The following DSEL variants were observed in gnomAD, a reference collection of about 807,000 sequenced individuals.
DSEL encodes dermatan sulfate epimerase like, also known as dermatan-sulfate epimerase-like protein.
Under a neutral mutation model 96.6 loss-of-function variants are expected in DSEL, and 61 were observed. The ratio of observed to expected loss-of-function variants is 0.63; its 90% CI spans 0.51 to 0.78. The LOEUF is 0.78. DSEL is among the 30% of genes least tolerant of loss of function. The pLI is 0.00. For synonymous variants in DSEL, 514 were observed against 502.0 expected, an observed-to-expected ratio of 1.02 and a Z score of -0.32; for missense variants, 1,320 against 1,430.8, an observed-to-expected ratio of 0.92 and a Z score of 1.25.
At position 67,516,698 on chromosome 18, in the gene DSEL, C is replaced by T. The variant is rs2089479042; in HGVS notation, c.-1222G>A. ...CGCCCGCGTGCCCAGGCGGTGATGT[C>T]GCCGCGGCCGAGGATCCTCTGTGCC... On this transcript the variant is annotated 5_prime_UTR_variant, in exon 1 of 2. Transcript: ENST00000310045. The surrounding 1 kb of genome is among the most constrained non-coding windows in gnomAD (Gnocchi z 5.6). 6.6e-6 allele frequency: 1 copy of T among 151,780 alleles called. No individual in the cohort carries two copies. The highest frequency in any genetic ancestry group is 2.0e-4 in the East Asian group (1 of 5,104). The allele number at this position is 151,780 out of a possible 1,614,324, so 9.4% of individuals were successfully genotyped here. A position where few individuals can be genotyped will look rare whatever the true frequency, so the allele number is the denominator to read the frequency against.
In DSEL at chr18:67,514,419, T is replaced by G. The variant is rs750262093; in HGVS notation, c.190A>C (p.Ser64Arg). 22 of 1,614,154 alleles carry G rather than the reference T, an allele frequency of 1.4e-5. No homozygotes were observed. Among genetic ancestry groups the G allele is most frequent in the Non-Finnish European group, 1.9e-5 (22 of 1,180,032 alleles). The change falls in exon 2 of 2, where the codon AGT (serine) becomes CGT (arginine). Residue 64 changes from serine (S) to arginine (R), a missense_variant. By Grantham distance (110) the Ser-to-Arg change is moderately radical (BLOSUM62 -1). This residue lies in a region of DSEL where 323 missense variants were observed against 333.1 expected (regional missense o/e 0.97). Transcript: ENST00000310045. ...QKLKKSMLHP[S>R]LYFDAGEIQA... Reference sequence around the variant, plus strand: ...ATTTCTCCAGCATCAAAATATAAACTTGGATGAAGCATACTTTTCTTCAGC... The same window carrying G: ...ATTTCTCCAGCATCAAAATATAAACGTGGATGAAGCATACTTTTCTTCAGC...
In DSEL at chr18:67,511,369, C is replaced by T. The variant is rs1171290480; in HGVS notation, c.3240G>A (p.Glu1080=). The T allele has an allele frequency of 1.2e-6, 2 of 1,603,442 alleles. No individual in the cohort carries two copies. The highest frequency in any genetic ancestry group is 1.7e-6 in the Non-Finnish European group (2 of 1,179,960). Residue 1080 remains glutamate (E), a synonymous_variant, in exon 2 of 2, where the codon GAG becomes GAA. Coordinates refer to ENST00000310045, the MANE Select transcript of DSEL (RefSeq NM_032160.3). The stretch of plus-strand genomic sequence containing the variant: ...ATAATTCTTTCCTCAATGGTTCATA[C>T]TCGAAAGCATAACCCGAATTTAAGT... ...KCNLNSGYAF[E]YEPLRKELSK... is the part of the protein sequence containing the mutation.
At position 67,506,733 on chromosome 18, in the gene DSEL, G is replaced by C. The variant is rs893417541; in HGVS notation, c.*4237C>G. 1 of 151,858 alleles carries C rather than the reference G, an allele frequency of 6.6e-6. No individual in the cohort carries two copies. The highest frequency in any genetic ancestry group is 1.9e-4 in the East Asian group (1 of 5,184). The allele number at this position is 151,858 out of a possible 1,614,324, so 9.4% of individuals were successfully genotyped here. On this transcript the variant is annotated 3_prime_UTR_variant, in exon 2 of 2. Transcript: ENST00000310045. Reference sequence around the variant, plus strand: ...AACGACGACGAACAAAAAATTAATTGCTTGGAAGACTTAGTTGAATCTATC... The same window carrying C: ...AACGACGACGAACAAAAAATTAATTCCTTGGAAGACTTAGTTGAATCTATC...
At position 67,514,177 on chromosome 18, in the gene DSEL, A is replaced by G. The variant is rs2089461689; in HGVS notation, c.432T>C (p.Phe144=). 3 of 1,614,108 alleles carry G rather than the reference A, an allele frequency of 1.9e-6. No individual in the cohort carries two copies. Among genetic ancestry groups the G allele is most frequent in the Non-Finnish European group, 2.5e-6 (3 of 1,180,050 alleles). ...CCATCCTGTCCATATATTCCAAGAC[A>G]AATTCAAAGGCAACTTTGTCTTCTG... is the stretch of plus-strand genomic sequence containing the variant. The part of the protein sequence containing the change: ...LCPEDKVAFE[F]VLEYMDRMVG... The change falls in exon 2 of 2, where the codon TTT becomes TTC. Residue 144 remains phenylalanine, a synonymous_variant. Transcript: ENST00000310045.
Position 67,512,944 on chromosome 18 carries a change from T to G in DSEL, c.1665A>C (p.Glu555Asp), listed in dbSNP as rs756434781. 20 of 1,614,102 alleles carry G rather than the reference T, an allele frequency of 1.2e-5. No individual in the cohort carries two copies. In the South Asian group the frequency reaches 2.2e-4, roughly 18 times the overall value. ...TTGCTGAAGAATAAGCAGACACGGC[T>G]TCCCCACTCACAAATACCATTTCCC... The part of the protein sequence containing the change: ...QHGEMVFVSG[E>D]AVSAYSSAMR... Residue 555 changes from glutamate to aspartate, a missense_variant, in exon 2 of 2, where the codon GAA becomes GAC. Around this residue, in one of 3 missense-constraint regions of DSEL, gnomAD observed 986 missense variants for 1,066.4 expected, o/e 0.92. Transcript: ENST00000310045.
Position 67,511,427 on chromosome 18 carries a change from A to G in DSEL, c.3182T>C (p.Leu1061Ser). Residue 1061 changes from leucine (L) to serine (S), a missense_variant, in exon 2 of 2, where the codon TTG becomes TCG. Around this residue, in one of 3 missense-constraint regions of DSEL, gnomAD observed 986 missense variants for 1,066.4 expected, o/e 0.92. Transcript: ENST00000310045. ...LKNVPEHLAK[L>S]FKIEGGKGKC... ...GCCTTTACCTCCCTCTATTTTAAACAATTTTGCTAAATGCTCTGGTACATT... is the reference window on the plus strand; with the variant it reads ...GCCTTTACCTCCCTCTATTTTAAACGATTTTGCTAAATGCTCTGGTACATT... 1 of 1,605,390 alleles carries G rather than the reference A, an allele frequency of 6.2e-7. No homozygotes were observed.
chr18:67,514,393 G>C lies in DSEL; in HGVS notation c.216C>G (p.Ile72Met). 1 of 1,614,126 alleles carries C rather than the reference G, an allele frequency of 6.2e-7. No homozygotes were observed. The highest frequency in any genetic ancestry group is 8.5e-7 in the Non-Finnish European group (1 of 1,180,026). ...HPSLYFDAGE[I>M]QAMRQKSRAS... The stretch of plus-strand genomic sequence containing the variant: ...CACGAGACTTTTGTCTCATTGCTTG[G>C]ATTTCTCCAGCATCAAAATATAAAC... The change falls in exon 2 of 2, where the codon ATC becomes ATG. Residue 72 changes from isoleucine to methionine, a missense_variant. Ile to Met is a conservative substitution (Grantham distance 10). Coordinates refer to ENST00000310045, the MANE Select transcript of DSEL (RefSeq NM_032160.3).
Position 67,510,697 on chromosome 18 carries a change from T to G in DSEL, c.*273A>C, listed in dbSNP as rs192792325. The stretch of plus-strand genomic sequence containing the variant: ...AATTTTCCCATCTCCCCTGACCCCA[T>G]GATATAACTTCATCTACCACTCTGT... On this transcript the variant is annotated 3_prime_UTR_variant, in exon 2 of 2. Coordinates refer to ENST00000310045, the MANE Select transcript of DSEL (RefSeq NM_032160.3). The G allele has an allele frequency of 1.2e-4, 50 of 408,748 alleles. No individual in the cohort carries two copies. The Admixed American group carries it at 1.5e-3, about 12-fold the overall frequency. The allele number at this position is 408,748 out of a possible 1,614,324, so 25.3% of individuals were successfully genotyped here.
Position 67,511,515 on chromosome 18 carries a change from C to A in DSEL, c.3094G>T (p.Asp1032Tyr). 1 of 1,613,702 alleles carries A rather than the reference C, an allele frequency of 6.2e-7. No homozygotes were observed. Among genetic ancestry groups the A allele is most frequent in the Non-Finnish European group, 8.5e-7 (1 of 1,180,024 alleles). The stretch of plus-strand genomic sequence containing the variant: ...ATTGAATAAATCCATGCCCGAGGGT[C>A]TCTTACTATGTACAATGCCCTCATC... ...ASMRALYIVR[D>Y]PRAWIYSMLY... The change falls in exon 2 of 2, where the codon GAC (aspartate) becomes TAC (tyrosine). Residue 1032 changes from aspartate to tyrosine, a missense_variant. This residue lies in a region of DSEL where 986 missense variants were observed against 1,066.4 expected (regional missense o/e 0.92). Coordinates refer to ENST00000310045, the MANE Select transcript of DSEL (RefSeq NM_032160.3).
In DSEL at chr18:67,511,241, T is replaced by C; in HGVS notation, c.3368A>G (p.Gln1123Arg). Reference sequence around the variant, plus strand: ...CACAATATCTTCAAACTTGACCAGCTGGTAGCTAGTAGGCAGCAAATCTGT... The same window carrying C: ...CACAATATCTTCAAACTTGACCAGCCGGTAGCTAGTAGGCAGCAAATCTGT... ...INTDLLPTSY[Q>R]LVKFEDIVHF... is the part of the protein sequence containing the mutation. The change falls in exon 2 of 2, where the codon CAG becomes CGG. Residue 1123 changes from glutamine (Q) to arginine (R), a missense_variant. Gln to Arg is a conservative substitution (Grantham distance 43). Around this residue, in one of 3 missense-constraint regions of DSEL, gnomAD observed 986 missense variants for 1,066.4 expected, o/e 0.92. Coordinates refer to ENST00000310045, the MANE Select transcript of DSEL (RefSeq NM_032160.3). The C allele has an allele frequency of 6.2e-7, 1 of 1,613,302 alleles. No individual in the cohort carries two copies. The highest frequency in any genetic ancestry group is 1.3e-5 in the African/African-American group (1 of 75,062).
In DSEL at chr18:67,512,883, A is replaced by G; in HGVS notation, c.1726T>C (p.Leu576=). 1 of 1,614,196 alleles carries G rather than the reference A, an allele frequency of 6.2e-7. No individual in the cohort carries two copies. The highest frequency in any genetic ancestry group is 1.1e-5 in the South Asian group (1 of 91,086). The change falls in exon 2 of 2, where the codon TTA becomes CTA. Residue 576 remains leucine (L), a synonymous_variant. Coordinates refer to ENST00000310045, the MANE Select transcript of DSEL (RefSeq NM_032160.3). The part of the protein sequence containing the change: ...LKSVYRALLL[L]NSQTLLVVDH... ...ACAACTAGCAGAGTTTGGGAATTTA[A>G]GAGAAGCAAAGCACGATATACACTT...
rs765949634 is a variant in DSEL at position 67,514,102 on chromosome 18, T to C, written c.507A>G (p.Pro169=). 3.7e-6 allele frequency: 6 copies of C among 1,614,220 alleles called. No homozygotes were observed. The South Asian group carries it at 6.6e-5, about 18-fold the overall frequency. ...CAAAACCTGTTAAGGAATGGCCAAT[T>C]GGAACCTCATCTCCTGGTGCATTCT... ...LVENAPGDEV[P]IGHSLTGFAT... The change falls in exon 2 of 2, where the codon CCA becomes CCG. Residue 169 remains proline (P), a synonymous_variant. Transcript: ENST00000310045.
In DSEL at chr18:67,514,083, C is replaced by A; in HGVS notation, c.526G>T (p.Gly176Cys). The A allele has an allele frequency of 6.2e-7, 1 of 1,614,114 alleles. No homozygotes were observed. Among genetic ancestry groups the A allele is most frequent in the East Asian group, 2.2e-5 (1 of 44,866 alleles). The change falls in exon 2 of 2, where the codon GGT becomes TGT. Residue 176 changes from glycine to cysteine, a missense_variant. By Grantham distance (159) the Gly-to-Cys change is radical (BLOSUM62 -3). This residue lies in a region of DSEL where 323 missense variants were observed against 333.1 expected (regional missense o/e 0.97). Coordinates refer to ENST00000310045, the MANE Select transcript of DSEL (RefSeq NM_032160.3). ...AAAAAGTCAAAGGCAGTGGCAAAAC[C>A]TGTTAAGGAATGGCCAATTGGAACC... The part of the protein sequence containing the change: ...DEVPIGHSLT[G>C]FATAFDFLYN...
In DSEL at chr18:67,514,672, T is replaced by C. The variant is rs761916198; in HGVS notation, c.-64A>G. On this transcript the variant is annotated 5_prime_UTR_variant, in exon 2 of 2. It removes an upstream start codon present in the reference 5' UTR. Transcript: ENST00000310045. ...GATATGATGCTCAATGTGTTTCCCATCTGGTTAGTATAAAACATACAGTAA... is the reference window on the plus strand; with the variant it reads ...GATATGATGCTCAATGTGTTTCCCACCTGGTTAGTATAAAACATACAGTAA... 5.7e-6 allele frequency: 9 copies of C among 1,566,478 alleles called. No individual in the cohort carries two copies. In the Admixed American group the frequency reaches 1.6e-4, roughly 28 times the overall value.
rs1018620303 is a variant in DSEL, at chr18:67,513,394, A to G, written c.1215T>C (p.Gly405=). 6 of 1,614,196 alleles carry G rather than the reference A, an allele frequency of 3.7e-6. No homozygotes were observed. Among genetic ancestry groups the G allele is most frequent in the Non-Finnish European group, 5.1e-6 (6 of 1,180,038 alleles). The change falls in exon 2 of 2, where the codon GGT becomes GGC. Residue 405 remains glycine (G), a synonymous_variant. Coordinates refer to ENST00000310045, the MANE Select transcript of DSEL (RefSeq NM_032160.3). ...QLTPQPPADY[G]TAKIHTFPNW... ...TAGGGAATGTGTGTATTTTTGCAGT[A>G]CCATAATCAGCAGGTGGCTGTGGTG... is the stretch of plus-strand genomic sequence containing the variant.
chr18:67,510,496 T>C lies in DSEL; in HGVS notation c.*474A>G, dbSNP rs2089435460. 1 of 154,386 alleles carries C rather than the reference T, an allele frequency of 6.5e-6. No homozygotes were observed. The allele number at this position is 154,386 out of a possible 1,614,324, so 9.6% of individuals were successfully genotyped here. A position where few individuals can be genotyped will look rare whatever the true frequency, so the allele number is the denominator to read the frequency against. On this transcript the variant is annotated 3_prime_UTR_variant, in exon 2 of 2. Transcript: ENST00000310045. Reference sequence around the variant, plus strand: ...ACAGTAAAAGAAATTTTCTTTTTCTTTGTGCAAGATAAGTGTGTCAGAAGA... The same window carrying C: ...ACAGTAAAAGAAATTTTCTTTTTCTCTGTGCAAGATAAGTGTGTCAGAAGA...
In DSEL at chr18:67,514,367, G is replaced by A. The variant is rs767307532; in HGVS notation, c.242C>T (p.Ala81Val). Residue 81 changes from alanine (A) to valine (V), a missense_variant, in exon 2 of 2, where the codon GCA becomes GTA. Ala to Val is a moderately conservative substitution (Grantham distance 64). This residue lies in a region of DSEL where 323 missense variants were observed against 333.1 expected (regional missense o/e 0.97). Coordinates refer to ENST00000310045, the MANE Select transcript of DSEL (RefSeq NM_032160.3). ...AGCTCTAAAAAGATGCAAATGGCTTGCACGAGACTTTTGTCTCATTGCTTG... is the reference window on the plus strand; with the variant it reads ...AGCTCTAAAAAGATGCAAATGGCTTACACGAGACTTTTGTCTCATTGCTTG... ...EIQAMRQKSR[A>V]SHLHLFRAIR... 3.2e-5 allele frequency: 51 copies of A among 1,614,050 alleles called. 1 individual carries two copies. Among genetic ancestry groups the A allele is most frequent in the Non-Finnish European group, 4.1e-5 (48 of 1,180,034 alleles).
Position 67,511,363 on chromosome 18 carries a change from T to C in DSEL, c.3246A>G (p.Glu1082=). The change falls in exon 2 of 2, where the codon GAA becomes GAG. Residue 1082 remains glutamate (E), a synonymous_variant. Coordinates refer to ENST00000310045, the MANE Select transcript of DSEL (RefSeq NM_032160.3). The part of the protein sequence containing the change: ...NLNSGYAFEY[E]PLRKELSKSK... The stretch of plus-strand genomic sequence containing the variant: ...ATTTTGATAATTCTTTCCTCAATGG[T>C]TCATACTCGAAAGCATAACCCGAAT... The C allele has an allele frequency of 1.2e-6, 2 of 1,603,660 alleles. No homozygotes were observed. Among genetic ancestry groups the C allele is most frequent in the Non-Finnish European group, 1.7e-6 (2 of 1,179,974 alleles).
Position 67,514,105 on chromosome 18 carries a change from A to T in DSEL, c.504T>A (p.Val168=). 1 of 1,614,192 alleles carries T rather than the reference A, an allele frequency of 6.2e-7. No homozygotes were observed. Among genetic ancestry groups the T allele is most frequent in the Non-Finnish European group, 8.5e-7 (1 of 1,180,020 alleles). Residue 168 remains valine (V), a synonymous_variant, in exon 2 of 2, where the codon GTT becomes GTA. Transcript: ENST00000310045. ...AACCTGTTAAGGAATGGCCAATTGG[A>T]ACCTCATCTCCTGGTGCATTCTCTA... is the stretch of plus-strand genomic sequence containing the variant. ...WLVENAPGDE[V]PIGHSLTGFA... is the part of the protein sequence containing the mutation.
Sources: gnomAD v4.1 joint callset for allele counts on GRCh38, gnomAD v4.1.1 for gene constraint, gnomAD v4.1.1 regional missense constraint, Gnocchi (gnomAD v3.1) non-coding constraint, MANE v1.5 for transcripts, NCBI Gene and HGNC (gene_info 2026-07-23, HGNC 2026-07-21) for gene names.